ZBBX: variants seen among roughly 807,000 people sequenced by gnomAD.
The protein encoded by ZBBX is zinc finger B-box domain containing.
In ZBBX, 101 loss-of-function variants were observed where a neutral mutation model predicts 108.5. That is an observed-to-expected ratio of 0.93 (90% confidence interval 0.79 to 1.10). The LOEUF is 1.10. Among genes scored for constraint, ZBBX ranks in the 50% least tolerant of loss-of-function variants. The probability of loss-of-function intolerance (pLI) is 0.00; values close to 1 mark genes in which losing one functional copy is unlikely to be tolerated. For missense variants in ZBBX, 1,009 were observed against 941.4 expected, an observed-to-expected ratio of 1.07 and a Z score of -0.94; for synonymous variants, 356 against 323.4, an observed-to-expected ratio of 1.10 and a Z score of -1.08.
chr3:167,189,855 T>C, the ZBBX span, among the ~76,000 whole-genome samples: 1 of 152,218 alleles, frequency 6.6e-6, no homozygotes, highest in Non-Finnish European at 1.5e-5. Flanking sequence ...TTCAATGGGT[T>C]TTTGGATAAA....
downstream of ZBBX, among the ~76,000 whole-genome samples, chr3:167,239,055 T>C (rs4955716): frequency 0.32 from 48,048 of 151,950 alleles, 8,110 homozygotes; most frequent in East Asian, 0.65. Flanking sequence ...TTTTCAAGAA[T>C]TGCCTCATGC....
At chr3:167,247,941 C>T (rs906372944) in intron 20 of ZBBX, among the ~76,000 whole-genome samples, 2 of 152,268 alleles carry the variant, frequency 1.3e-5, no homozygotes, top group Admixed American at 1.3e-4. Flanking sequence ...TCCCAGACTT[C>T]GTATCTTTTC....
chr3:167,288,494 T>A (rs1357721871), intron 19 of ZBBX, among the ~76,000 whole-genome samples: 1 of 152,204 alleles, frequency 6.6e-6, no homozygotes, highest in African/African-American at 2.4e-5. Flanking sequence ...CTGATCATAA[T>A]ATATATCAAG....
the ZBBX span, among the ~76,000 whole-genome samples, chr3:167,192,561 C>T: frequency 1.3e-5 from 2 of 152,220 alleles, no homozygotes; most frequent in African/African-American, 2.4e-5. Flanking sequence ...TCTCTTTAAT[C>T]GTATCCCTTT....
chr3:167,309,091 A>G (rs193178470), intron 16 of ZBBX, among the ~76,000 whole-genome samples: 1 of 152,196 alleles, frequency 6.6e-6, no homozygotes, highest in Non-Finnish European at 1.5e-5. Flanking sequence ...TGAGTAACTC[A>G]TCTTTTAATT....
chr3:167,346,708 C>A (rs1424438698), intron 9 of ZBBX, among the ~76,000 whole-genome samples: 2 of 151,740 alleles, frequency 1.3e-5, no homozygotes, highest in East Asian at 3.9e-4. Flanking sequence ...CAATAAAAAA[C>A]AAAAACCACT....
downstream of ZBBX, among the ~76,000 whole-genome samples, chr3:167,237,105 G>C (rs888825736): frequency 1.3e-5 from 2 of 151,594 alleles, no homozygotes; most frequent in Non-Finnish European, 3.0e-5. Flanking sequence ...TAGCTGAGAA[G>C]CCATTTCATA....
chr3:167,253,816 G>A (rs949026210), intron 20 of ZBBX, among the ~76,000 whole-genome samples: 12 of 151,926 alleles, frequency 7.9e-5, no homozygotes, highest in Non-Finnish European at 1.0e-4. Flanking sequence ...AGCATGTAAC[G>A]GGTGAAAAAA....
At chr3:167,323,902 C>T (rs1736910220) in intron 11 of ZBBX, among the ~76,000 whole-genome samples, 2 of 152,148 alleles carry the variant, frequency 1.3e-5, no homozygotes, top group Admixed American at 1.3e-4. Flanking sequence ...TTGAAAGTAC[C>T]TGCCTTTCAC....
In ZBBX at chr3:167,333,913, G is replaced by C. The variant is rs774430409; in HGVS notation, c.601C>G (p.Pro201Ala). The C allele has an allele frequency of 2.0e-5, 33 of 1,612,064 alleles. No homozygotes were observed. The highest frequency in any genetic ancestry group is 2.6e-5 in the Non-Finnish European group (31 of 1,178,968). The change falls in exon 10 of 22, where the codon CCC becomes GCC. Residue 201 changes from proline to alanine, a missense_variant. Physicochemically the swap from Pro to Ala is conservative, Grantham distance 27 (BLOSUM62 -1). Transcript: ENST00000675490. Reference sequence around the variant, plus strand: ...TTTGTAGAATTATTCTCCTCTTTGGGTTCATCTGGATTAACATCCTTTATA... The same window carrying C: ...TTTGTAGAATTATTCTCCTCTTTGGCTTCATCTGGATTAACATCCTTTATA... ...QFIKDVNPDE[P>A]KEENNSTKET...
At chr3:167,272,613 A>G (rs1317399197) in intron 20 of ZBBX, among the ~76,000 whole-genome samples, 2 of 152,176 alleles carry the variant, frequency 1.3e-5, no homozygotes, top group South Asian at 2.1e-4. Flanking sequence ...TCACCTTCCA[A>G]TGCTGACCAC....
In ZBBX at chr3:167,301,618, T is replaced by C. The variant is rs140235737; in HGVS notation, c.1726-3160A>G. Among the ~76,000 whole-genome samples the C allele has an allele frequency of 8.9e-3, 1,363 of 152,342 alleles. 28 individuals are homozygous for C. The highest frequency in any genetic ancestry group is 0.031 in the African/African-American group (1,287 of 41,572). On this transcript the variant is annotated intron_variant, in intron 17 of 21. Transcript: ENST00000675490. ...TTTACCTGTGATGTTTTTGCTTACA[T>C]TCAGTTCTAAATATTTCTACCTTCT...
intron 1 of ZBBX, among the ~76,000 whole-genome samples, chr3:167,391,049 C>T (rs1748071057): frequency 6.6e-6 from 1 of 152,118 alleles, no homozygotes; most frequent in Non-Finnish European, 1.5e-5. Context: ...GAGAGGGCAT[C>T]CTTGTCTTGT....
At chr3:167,374,775 A>ATATATATATATAT (rs1746688794) in intron 2 of ZBBX, among the ~76,000 whole-genome samples, 1 of 152,184 alleles carries the variant, frequency 6.6e-6, no homozygotes, top group Non-Finnish European at 1.5e-5. Flanking sequence ...TACATGTGAT[A>ATATATATATATAT]ATATAGGAAG....
Position 167,330,865 on chromosome 3 carries a change from G to GAAGAAGAAGAAGAAGAAGA in ZBBX, c.688-2750_688-2749insTCTTCTTCTTCTTCTTCTT, listed in dbSNP as rs1553820632. On this transcript the variant is annotated intron_variant, in intron 10 of 21. Coordinates refer to ENST00000675490, the MANE Select transcript of ZBBX (RefSeq NM_001199201.2). ...GGAAGAGGAGGAGGAGGAGGAGGAG[G>GAAGAAGAAGAAGAAGAAGA]AGGAGGAGAAGAAGAAGAAGAAGAA... Among the ~76,000 whole-genome samples, 140 of 21,796 alleles carry GAAGAAGAAGAAGAAGAAGA rather than the reference G, an allele frequency of 6.4e-3. 1 individual carries two copies. The highest frequency in any genetic ancestry group is 0.026 in the East Asian group (11 of 428). 14.3% of individuals were successfully genotyped at this position (21,796 alleles called of 152,430 possible). A position where few individuals can be genotyped will look rare whatever the true frequency, so the allele number is the denominator to read the frequency against.
the ZBBX span, among the ~76,000 whole-genome samples, chr3:167,227,739 A>G: frequency 0.013 from 2,022 of 151,804 alleles, 22 homozygotes; most frequent in South Asian, 0.026. Context: ...ACCTCAAGCT[A>G]AGAAATGGAT....
chr3:167,321,105 T>C (rs1736364536), intron 12 of ZBBX, among the ~76,000 whole-genome samples: 1 of 151,982 alleles, frequency 6.6e-6, no homozygotes, highest in Non-Finnish European at 1.5e-5. Flanking sequence ...GATGTTACCA[T>C]TAGAGAAAGC....
chr3:167,401,253 G>A (rs1485032980), intron 1 of ZBBX: 1 of 152,156 alleles, frequency 6.6e-6, no homozygotes, highest in Non-Finnish European at 1.5e-5. Context: ...CATTTGAAAT[G>A]AGTATCAAAA....
chr3:167,204,977 A>T, the ZBBX span, among the ~76,000 whole-genome samples: 1 of 151,992 alleles, frequency 6.6e-6, no homozygotes, highest in African/African-American at 2.4e-5. Context: ...CTTACTATTG[A>T]TGGAGAAGAT....
Sources: gnomAD v4.1 joint callset for allele counts (sites outside exome capture counted in the v4.1 genomes callset) on GRCh38, gnomAD v4.1.1 for gene constraint, MANE v1.5 for transcripts, NCBI Gene and HGNC (gene_info 2026-07-23, HGNC 2026-07-21) for gene names.